SLC9A9: variants seen among roughly 807,000 people sequenced by gnomAD.
SLC9A9 encodes sodium/hydrogen exchanger 9.
SLC9A9 carries 62 observed loss-of-function variants against 77.8 expected under a neutral mutation model. That is an observed-to-expected ratio of 0.80 (90% CI 0.65 to 0.98). SLC9A9 has a LOEUF of 0.98. Among genes scored for constraint, SLC9A9 ranks in the 50% least tolerant of loss-of-function variants. The pLI, the probability that SLC9A9 is intolerant of heterozygous loss-of-function variation, is 0.00. For missense variants in SLC9A9, 775 were observed against 774.9 expected, an observed-to-expected ratio of 1.00 and a Z score of 0.00; for synonymous variants, 320 against 283.5, an observed-to-expected ratio of 1.13 and a Z score of -1.29.
intron 4 of SLC9A9, among the ~76,000 whole-genome samples, chr3:143,785,699 G>A (rs923054637): frequency 5.3e-5 from 8 of 151,944 alleles, no homozygotes; most frequent in East Asian, 1.9e-4. Flanking sequence ...GTGTGTGAGC[G>A]TGTGTGTGTA....
chr3:143,743,489 C>A (rs1413874884), intron 4 of SLC9A9, among the ~76,000 whole-genome samples: 1 of 152,114 alleles, frequency 6.6e-6, no homozygotes, highest in African/African-American at 2.4e-5. Context: ...AGTCCAAGGG[C>A]CTAACAGCCT....
At chr3:143,740,561 A>C (rs1935051321) in intron 4 of SLC9A9, among the ~76,000 whole-genome samples, 1 of 152,206 alleles carries the variant, frequency 6.6e-6, no homozygotes, top group Non-Finnish European at 1.5e-5. Flanking sequence ...ATTTAATAAA[A>C]TAAGTCCATT....
intron 11 of SLC9A9, among the ~76,000 whole-genome samples, chr3:143,478,029 T>C (rs1377762354): frequency 6.6e-6 from 1 of 152,210 alleles, no homozygotes; most frequent in Non-Finnish European, 1.5e-5. Context: ...TCACTGGCAC[T>C]TGGGGCCTTC....
intron 4 of SLC9A9, among the ~76,000 whole-genome samples, chr3:143,750,566 C>T (rs536763247): frequency 1.3e-5 from 2 of 152,090 alleles, no homozygotes; most frequent in Non-Finnish European, 2.9e-5. Flanking sequence ...TCTCCATTTC[C>T]CTCACCTGTG....
intron 4 of SLC9A9, among the ~76,000 whole-genome samples, chr3:143,768,245 T>C (rs532112598): frequency 6.6e-6 from 1 of 152,268 alleles, no homozygotes; most frequent in Non-Finnish European, 1.5e-5. Flanking sequence ...CTAAAAATAA[T>C]GATGATTCCT....
chr3:143,329,413 A>G (rs2031699453), intron 14 of SLC9A9, among the ~76,000 whole-genome samples: 1 of 152,210 alleles, frequency 6.6e-6, no homozygotes, highest in African/African-American at 2.4e-5. Context: ...TCTCCTTTGC[A>G]TTGGCAGCAT....
chr3:143,794,724 C>T (rs1432391436), intron 4 of SLC9A9, among the ~76,000 whole-genome samples: 1 of 152,132 alleles, frequency 6.6e-6, no homozygotes, highest in Non-Finnish European at 1.5e-5. Flanking sequence ...AAGAAGAATG[C>T]AATGCGCTTC....
chr3:143,381,759 G>T (rs2033308637), intron 13 of SLC9A9, among the ~76,000 whole-genome samples: 1 of 152,166 alleles, frequency 6.6e-6, no homozygotes, highest in African/African-American at 2.4e-5. Flanking sequence ...GCAAGTTGCT[G>T]GGTAGGGATT....
intron 12 of SLC9A9, among the ~76,000 whole-genome samples, chr3:143,453,394 GCTCC>G (rs2035039938): frequency 6.6e-6 from 1 of 151,984 alleles, no homozygotes; most frequent in Non-Finnish European, 1.5e-5. Context: ...AGTAAAGATA[GCTCC>G]CTCCCCACAA....
chr3:143,290,888 A>G (rs2029925033), intron 14 of SLC9A9, among the ~76,000 whole-genome samples: 1 of 152,140 alleles, frequency 6.6e-6, no homozygotes, highest in Non-Finnish European at 1.5e-5. Context: ...CAGTAAAATC[A>G]TTTTGCCTGA....
chr3:143,473,998 G>A (rs954434588), intron 11 of SLC9A9, among the ~76,000 whole-genome samples: 3 of 152,210 alleles, frequency 2.0e-5, no homozygotes, highest in African/African-American at 7.2e-5. Flanking sequence ...AGGGGACAGA[G>A]AGTATTTATA....
intron 6 of SLC9A9, among the ~76,000 whole-genome samples, chr3:143,585,257 A>G (rs2037522619): frequency 6.6e-6 from 1 of 152,250 alleles, no homozygotes; most frequent in Non-Finnish European, 1.5e-5. Flanking sequence ...AAGGACAGAC[A>G]GAACTCAAAG....
At position 143,467,020 on chromosome 3, in the gene SLC9A9, T is replaced by G; in HGVS notation, c.1469+17A>C. 6.2e-7 allele frequency: 1 copy of G among 1,612,058 alleles called. No homozygotes were observed. The highest frequency in any genetic ancestry group is 8.5e-7 in the Non-Finnish European group (1 of 1,179,250). On this transcript the variant is annotated intron_variant, in intron 12 of 15. Transcript: ENST00000316549. ...CATGCCTCATAATGATTTCCTTTGC[T>G]AGACGGTGTCACTCACCTGATCTGA...
chr3:143,517,044 G>T (rs1576548477), intron 9 of SLC9A9: 2 of 840,760 alleles, frequency 2.4e-6, no homozygotes, highest in Non-Finnish European at 3.8e-6. Context: ...TGAAATTCTT[G>T]TTTAATAAAT....
chr3:143,595,876 G>C (rs2037743136), intron 6 of SLC9A9, among the ~76,000 whole-genome samples: 1 of 152,182 alleles, frequency 6.6e-6, no homozygotes, highest in South Asian at 2.1e-4. Context: ...AGAAAGGAGG[G>C]AGATGGGACC....
At chr3:143,729,178 G>A (rs1223257700) in intron 4 of SLC9A9, among the ~76,000 whole-genome samples, 1 of 152,062 alleles carries the variant, frequency 6.6e-6, no homozygotes. Context: ...AACTCCCTAA[G>A]GAAGCCTTCT....
At chr3:143,762,247 G>A (rs533950733) in intron 4 of SLC9A9, among the ~76,000 whole-genome samples, 2 of 152,240 alleles carry the variant, frequency 1.3e-5, no homozygotes, top group South Asian at 2.1e-4. Flanking sequence ...TGTAAATGAC[G>A]AGTTAATGGG....
chr3:143,357,646 C>T (rs2032629707), intron 14 of SLC9A9, among the ~76,000 whole-genome samples: 1 of 152,152 alleles, frequency 6.6e-6, no homozygotes, highest in Non-Finnish European at 1.5e-5. Context: ...CCTTGGATTG[C>T]TTAGGTGACA....
intron 9 of SLC9A9, among the ~76,000 whole-genome samples, chr3:143,525,120 A>G (rs2036382591): frequency 6.6e-6 from 1 of 152,244 alleles, no homozygotes. Context: ...TAGCGAGCCT[A>G]GGCAAAATAT....
Sources: gnomAD v4.1 joint callset for allele counts (sites outside exome capture counted in the v4.1 genomes callset) on GRCh38, gnomAD v4.1.1 for gene constraint, MANE v1.5 for transcripts, NCBI Gene and HGNC (gene_info 2026-07-23, HGNC 2026-07-21) for gene names.